BPTF: variants seen among roughly 807,000 people sequenced by gnomAD.
BPTF encodes bromodomain PHD finger transcription factor.
In BPTF, 18 loss-of-function variants were observed where a neutral mutation model predicts 292.5. The observed-to-expected ratio is 0.06, with a 90% CI of 0.04 to 0.09. BPTF has a LOEUF of 0.09. Ranked by LOEUF, BPTF falls within the 10% of genes least tolerant of loss-of-function variation. The pLI is 1.00. For synonymous variants in BPTF, 1,225 were observed against 1,251.9 expected (o/e 0.98, Z 0.45); for missense variants, 2,726 against 3,498.7 (o/e 0.78, Z 5.57).
At chr17:67,886,361 T>G (rs2060749799) in intron 4 of BPTF, 2 of 1,319,122 alleles carry the variant, frequency 1.5e-6, no homozygotes, top group East Asian at 5.2e-5. Context: ...AGTTTTTTCT[T>G]TTTTTTCTTT....
In BPTF at chr17:67,912,474, G is replaced by T. The variant is rs186537275; in HGVS notation, c.4590G>T (p.Gln1530His). Residue 1530 changes from glutamine to histidine, a missense_variant, in exon 11 of 28, where the codon CAG becomes CAT. Physicochemically the swap from Gln to His is conservative, Grantham distance 24. This residue lies in a region of BPTF where 713 missense variants were observed against 714.9 expected (regional missense o/e 1.00). Coordinates refer to ENST00000306378, the MANE Select transcript of BPTF (RefSeq NM_182641.4). ...GTCCAGAAAGCAATTCAGTTAATCA[G>T]GTAGAAGATATGGAAATAGAAACCT... ...ASCPESNSVN[Q>H]VEDMEIETSE... is the part of the protein sequence containing the mutation. The T allele has an allele frequency of 7.4e-6, 12 of 1,613,854 alleles. No individual in the cohort carries two copies. In the East Asian group the frequency reaches 2.7e-4, roughly 36 times the overall value.
chr17:67,918,658 G>A (rs543671958), intron 11 of BPTF, 56 bp from the exon 12 acceptor site: 34 of 1,492,474 alleles, frequency 2.3e-5, no homozygotes, highest in South Asian at 1.2e-4. Flanking sequence ...ATATGAATGT[G>A]TATGTGTATG....
chr17:67,850,296 G>GT (rs2058314118), intron 1 of BPTF, among the ~76,000 whole-genome samples: 1 of 152,162 alleles, frequency 6.6e-6, no homozygotes, highest in African/African-American at 2.4e-5. Context: ...GTATTCATCC[G>GT]TAAGTAGTAT....
At chr17:67,867,943 C>T (rs781482415) in intron 3 of BPTF, among the ~76,000 whole-genome samples, 2 of 152,018 alleles carry the variant, frequency 1.3e-5, no homozygotes, top group African/African-American at 2.4e-5. Context: ...CCACACTTAG[C>T]GGGTGAGGAG....
chr17:67,946,267 A>G lies in BPTF; in HGVS notation c.7559A>G (p.Glu2520Gly), dbSNP rs1555675427. ...QQQKKKQQQI[E>G]IKREHTLQAS... ...CAAAAGAAGAAACAGCAACAGATAG[A>G]AATTAAGCGTGAACACACCCTCCAA... Residue 2520 changes from glutamate (E) to glycine (G), a missense_variant, in exon 21 of 28, where the codon GAA becomes GGA. By Grantham distance (98) the Glu-to-Gly change is moderately conservative. This residue lies in a region of BPTF where 570 missense variants were observed against 633.5 expected (regional missense o/e 0.90). Transcript: ENST00000306378. 1 of 1,614,194 alleles carries G rather than the reference A, an allele frequency of 6.2e-7. No homozygotes were observed. Among genetic ancestry groups the G allele is most frequent in the South Asian group, 1.1e-5 (1 of 91,086 alleles).
rs1241228851 is a variant in BPTF at position 67,825,577 on chromosome 17, G to A, written c.-148G>A. On this transcript the variant is annotated 5_prime_UTR_variant, in exon 1 of 28. It removes the in-frame stop codon of an upstream open reading frame in the 5' UTR. Coordinates refer to ENST00000306378, the MANE Select transcript of BPTF (RefSeq NM_182641.4). ...GAGTGGGGCCCCAGCAATTCGGATT[G>A]AGCCTTCTCCCTCCACCCGCTTCCG... 3 of 423,350 alleles carry A rather than the reference G, an allele frequency of 7.1e-6. No individual in the cohort carries two copies. The highest frequency in any genetic ancestry group is 9.0e-6 in the Non-Finnish European group (2 of 222,342). 26.2% of individuals were successfully genotyped at this position (423,350 alleles called of 1,614,324 possible).
chr17:67,927,771 A>C (rs2064038736), intron 15 of BPTF, among the ~76,000 whole-genome samples: 1 of 152,232 alleles, frequency 6.6e-6, no homozygotes, highest in South Asian at 2.1e-4. Context: ...TGAACAGCTT[A>C]GTACTTTTAA....
chr17:67,920,558 A>C (rs1362871221), intron 13 of BPTF, among the ~76,000 whole-genome samples: 1 of 152,240 alleles, frequency 6.6e-6, no homozygotes, highest in Non-Finnish European at 1.5e-5. Context: ...AGGTAGAGAT[A>C]ATCCAAGAGG....
chr17:67,874,454 A>G (rs1018931832), intron 3 of BPTF, among the ~76,000 whole-genome samples: 4 of 152,180 alleles, frequency 2.6e-5, no homozygotes, highest in Non-Finnish European at 5.9e-5. Context: ...TGATCACTGC[A>G]GTGTGCTGCC....
chr17:67,904,023 T>A, intron 8 of BPTF, 105 bp downstream of exon 8: 5 of 833,038 alleles, frequency 6.0e-6, no homozygotes, highest in Non-Finnish European at 7.0e-6. Flanking sequence ...GTCTTTGTAT[T>A]TTATTTATTT....
At chr17:67,873,652 T>TAAA (rs932769130) in intron 3 of BPTF, among the ~76,000 whole-genome samples, 1 of 152,128 alleles carries the variant, frequency 6.6e-6, no homozygotes, top group African/African-American at 2.4e-5. Flanking sequence ...TCAGAGAAGT[T>TAAA]ACAGATAAGC....
At chr17:67,890,983 T>C (rs1015004759) in intron 4 of BPTF, among the ~76,000 whole-genome samples, 1 of 152,224 alleles carries the variant, frequency 6.6e-6, no homozygotes, top group East Asian at 1.9e-4. Flanking sequence ...TACAAATTTT[T>C]CCAGCCTGGG....
chr17:67,854,625 C>G lies in BPTF; in HGVS notation c.1299C>G (p.Val433=). 6.2e-7 allele frequency: 1 copy of G among 1,614,212 alleles called. No homozygotes were observed. The highest frequency in any genetic ancestry group is 8.5e-7 in the Non-Finnish European group (1 of 1,180,036). Residue 433 remains valine, a synonymous_variant, in exon 2 of 28, where the codon GTC becomes GTG. Transcript: ENST00000306378. The surrounding 1 kb of genome is among the most constrained non-coding windows in gnomAD (Gnocchi z 5.6). ...CAGAGGACGAGTGGCAGTGTGAAGTCTGTGTAGCACACAAGGTGCCTGGTG... is the reference window on the plus strand; with the variant it reads ...CAGAGGACGAGTGGCAGTGTGAAGTGTGTGTAGCACACAAGGTGCCTGGTG... ...EVPEDEWQCE[V]CVAHKVPGVT...
rs1555671367 is a variant in BPTF at position 67,940,468 on chromosome 17, A to G, written c.6289A>G (p.Ile2097Val). The change falls in exon 19 of 28, where the codon ATC (isoleucine) becomes GTC (valine). Residue 2097 changes from isoleucine to valine, a missense_variant. Ile to Val is a conservative substitution (Grantham distance 29). Transcript: ENST00000306378. ...GAPQQVMTQIIRGQPVSTAVS... is the reference protein window; with the variant it reads ...GAPQQVMTQIVRGQPVSTAVS... Reference sequence around the variant, plus strand: ...TCCTCAGCAAGTGATGACTCAAATCATCAGGGGGCAGCCTGTCTCCACTGC... The same window carrying G: ...TCCTCAGCAAGTGATGACTCAAATCGTCAGGGGGCAGCCTGTCTCCACTGC... 1 of 1,614,160 alleles carries G rather than the reference A, an allele frequency of 6.2e-7. No individual in the cohort carries two copies. The highest frequency in any genetic ancestry group is 1.1e-5 in the South Asian group (1 of 91,080).
intron 3 of BPTF, among the ~76,000 whole-genome samples, chr17:67,874,233 CT>C (rs1226800816): frequency 6.6e-6 from 1 of 152,192 alleles, no homozygotes; most frequent in African/African-American, 2.4e-5. Context: ...TAGTATCACT[CT>C]GTCTAAGTTG....
chr17:67,870,765 T>TC (rs1205650529), intron 3 of BPTF, among the ~76,000 whole-genome samples: 1 of 79,986 alleles, frequency 1.3e-5, no homozygotes, highest in African/African-American at 5.1e-5. Context: ...ATGCTTCATT[T>TC]CTTTTTTTTT....
At chr17:67,895,326 T>C (rs1239605926) in intron 7 of BPTF, among the ~76,000 whole-genome samples, 6 of 101,392 alleles carry the variant, frequency 5.9e-5, no homozygotes, top group African/African-American at 2.9e-4. Flanking sequence ...GAGCAAGACT[T>C]CATCTCAAAA....
intron 27 of BPTF, among the ~76,000 whole-genome samples, chr17:67,978,856 C>T (rs1407669164): frequency 2.0e-5 from 3 of 152,074 alleles, no homozygotes; most frequent in African/African-American, 4.8e-5. Context: ...CAATTAGAAA[C>T]GCCACTAAAA....
rs1239991121 is a variant in BPTF, at chr17:67,912,266, C to T, written c.4382C>T (p.Ala1461Val). The change falls in exon 11 of 28, where the codon GCT becomes GTT. Residue 1461 changes from alanine to valine, a missense_variant. This residue lies in a region of BPTF where 713 missense variants were observed against 714.9 expected (regional missense o/e 1.00). Coordinates refer to ENST00000306378, the MANE Select transcript of BPTF (RefSeq NM_182641.4). ...DIKSLTVKESAIRPFINGDVI... is the reference protein window; with the variant it reads ...DIKSLTVKESVIRPFINGDVI... ...AAATCATTGACTGTTAAAGAATCTG[C>T]TATAAGGCCATTCATTAATGGTGAT... The T allele has an allele frequency of 4.3e-6, 7 of 1,613,266 alleles. No individual in the cohort carries two copies. Among genetic ancestry groups the T allele is most frequent in the Non-Finnish European group, 5.9e-6 (7 of 1,179,590 alleles).
Sources: gnomAD v4.1 joint callset for allele counts (sites outside exome capture counted in the v4.1 genomes callset) on GRCh38, gnomAD v4.1.1 for gene constraint, gnomAD v4.1.1 regional missense constraint, Gnocchi (gnomAD v3.1) non-coding constraint, MANE v1.5 for transcripts, NCBI Gene and HGNC (gene_info 2026-07-23, HGNC 2026-07-21) for gene names.